Variants in CCDC68 observed in about 807,000 individuals in gnomAD.
The protein encoded by CCDC68 is coiled-coil domain containing 68.
Under a neutral mutation model 47.1 loss-of-function variants are expected in CCDC68, and 45 were observed. That is an observed-to-expected ratio of 0.96 (90% CI 0.75 to 1.23). CCDC68 has a LOEUF of 1.23. CCDC68 is among the 50% of genes most tolerant of loss of function. The probability of loss-of-function intolerance (pLI) is 0.00; values close to 1 mark genes in which losing one functional copy is unlikely to be tolerated. For missense variants in CCDC68, 353 were observed against 373.6 expected (o/e 0.94, Z 0.45); for synonymous variants, 131 against 129.5 (o/e 1.01, Z -0.08).
At chr18:54,917,876 C>T in intron 10 of CCDC68, 37 bp downstream of exon 10, 2 of 1,153,456 alleles carry the variant, frequency 1.7e-6, no homozygotes, top group Non-Finnish European at 2.6e-6. Flanking sequence ...CACACTCACA[C>T]CCTCACAACA....
chr18:54,940,603 T>C (rs2044419701), intron 4 of CCDC68, among the ~76,000 whole-genome samples: 1 of 152,164 alleles, frequency 6.6e-6, no homozygotes, highest in Admixed American at 6.5e-5. Context: ...AGGGAGTGCA[T>C]TCAAACTTAT....
intron 9 of CCDC68, 113 bp downstream of exon 9, chr18:54,919,158 T>G: frequency 2.6e-6 from 2 of 778,316 alleles, no homozygotes; most frequent in South Asian, 3.0e-5. Context: ...AAAAAGGATA[T>G]GTCAGTAGGG....
At chr18:54,912,775 C>T (rs1914442610) in intron 10 of CCDC68, among the ~76,000 whole-genome samples, 1 of 152,086 alleles carries the variant, frequency 6.6e-6, no homozygotes, top group Admixed American at 6.6e-5. Flanking sequence ...GGGGAGGCCT[C>T]ACAATCATGG....
In CCDC68 at chr18:54,908,286, C is replaced by T. The variant is rs376152061; in HGVS notation, c.874-424G>A. 2.6e-5 allele frequency among the ~76,000 whole-genome samples: 4 copies of T among 152,314 alleles called. No individual in the cohort carries two copies. In the East Asian group the frequency reaches 7.7e-4, roughly 29 times the overall value. ...GAAAATAGGTACCATCTGCTCTTTA[C>T]TATTAATATAAGTTCATGGCCTCTA... On this transcript the variant is annotated intron_variant, in intron 10 of 11. Transcript: ENST00000591504.
intron 1 of CCDC68, among the ~76,000 whole-genome samples, chr18:54,946,339 C>T (rs1040672612): frequency 1.3e-5 from 2 of 152,260 alleles, no homozygotes; most frequent in South Asian, 2.1e-4. Flanking sequence ...GAAACGTTTG[C>T]TGACCTTTGG....
chr18:54,916,414 T>C (rs1007168270), intron 10 of CCDC68, among the ~76,000 whole-genome samples: 1 of 151,956 alleles, frequency 6.6e-6, no homozygotes, highest in African/African-American at 2.4e-5. Flanking sequence ...AGAAAGAACA[T>C]GATAGTGGAA....
At chr18:54,912,898 T>C (rs993038495) in intron 10 of CCDC68, among the ~76,000 whole-genome samples, 4 of 152,178 alleles carry the variant, frequency 2.6e-5, no homozygotes, top group Non-Finnish European at 5.9e-5. Context: ...ATGAGACTTA[T>C]TCACTACCAT....
At chr18:54,951,136 C>T (rs2044613276) in intron 1 of CCDC68, among the ~76,000 whole-genome samples, 1 of 151,578 alleles carries the variant, frequency 6.6e-6, no homozygotes, top group South Asian at 2.1e-4. Flanking sequence ...TCTCGATCTC[C>T]TGACCTCGTG....
chr18:54,913,714 G>A (rs1377061425), intron 10 of CCDC68, among the ~76,000 whole-genome samples: 1 of 152,094 alleles, frequency 6.6e-6, no homozygotes, highest in Non-Finnish European at 1.5e-5. Context: ...ACAGAAGGCT[G>A]AGGTAGGAGG....
intron 10 of CCDC68, among the ~76,000 whole-genome samples, chr18:54,915,456 T>C (rs139405596): frequency 6.7e-4 from 102 of 152,350 alleles, no homozygotes; most frequent in African/African-American, 2.2e-3. Flanking sequence ...ATATATTCTA[T>C]AGTTAGTATG....
intron 11 of CCDC68, among the ~76,000 whole-genome samples, chr18:54,905,211 A>G (rs1212019223): frequency 6.6e-6 from 1 of 151,578 alleles, no homozygotes; most frequent in African/African-American, 2.4e-5. Context: ...CTATGATTGC[A>G]CTGCTGCACT....
chr18:54,931,009 C>T (rs968212360), intron 7 of CCDC68, among the ~76,000 whole-genome samples: 162 of 151,806 alleles, frequency 1.1e-3, no homozygotes, highest in African/African-American at 3.6e-3. Flanking sequence ...TAAGCCACTG[C>T]GCCCGGCCCA....
intron 10 of CCDC68, 152 bp downstream of exon 10, chr18:54,917,761 C>G (rs765520485): frequency 1.6e-6 from 1 of 628,588 alleles, no homozygotes; most frequent in South Asian, 1.9e-5. Context: ...CCCAAACAGA[C>G]ATACTCGTAG....
chr18:54,950,394 A>T (rs2187413), intron 1 of CCDC68, among the ~76,000 whole-genome samples: 54,356 of 151,970 alleles, frequency 0.36, 10,198 homozygotes, highest in East Asian at 0.59. Flanking sequence ...TTCTGCAGCT[A>T]CATTACACAG....
At chr18:54,937,110 G>A in intron 5 of CCDC68, 152 bp from the exon 6 acceptor site, 1 of 700,770 alleles carries the variant, frequency 1.4e-6, no homozygotes, top group East Asian at 2.8e-5. Context: ...CTGTTATTTG[G>A]TAAGAGGAAA....
intron 1 of CCDC68, among the ~76,000 whole-genome samples, chr18:54,946,850 C>T (rs1178644853): frequency 6.6e-6 from 1 of 151,584 alleles, no homozygotes; most frequent in Admixed American, 6.6e-5. Context: ...TTTTTAAATG[C>T]CTGCTAGCAG....
intron 8 of CCDC68, among the ~76,000 whole-genome samples, chr18:54,923,065 T>A (rs2044089546): frequency 6.9e-6 from 1 of 145,034 alleles, no homozygotes; most frequent in Middle Eastern, 3.6e-3. Context: ...GGTGCTAAAA[T>A]TCAAAATTGC....
chr18:54,936,702 G>C (rs1320161696), intron 6 of CCDC68, 131 bp downstream of exon 6: 5 of 1,112,144 alleles, frequency 4.5e-6, no homozygotes, highest in Non-Finnish European at 6.6e-6. Flanking sequence ...CAAGCACACC[G>C]CTTCTTTCCC....
chr18:54,951,156 C>A (rs1251343454), intron 1 of CCDC68, among the ~76,000 whole-genome samples: 1 of 151,476 alleles, frequency 6.6e-6, no homozygotes, highest in Non-Finnish European at 1.5e-5. Flanking sequence ...GATCCGCCCG[C>A]CTCGGCCTCC....
Sources: gnomAD v4.1 joint callset for allele counts (sites outside exome capture counted in the v4.1 genomes callset) on GRCh38, gnomAD v4.1.1 for gene constraint, MANE v1.5 for transcripts, NCBI Gene and HGNC (gene_info 2026-07-23, HGNC 2026-07-21) for gene names.